The following GMDS variants were observed in gnomAD, a reference collection of about 807,000 sequenced individuals.
GMDS encodes GDP-mannose 4,6 dehydratase.
GMDS carries 20 observed loss-of-function variants against 49.9 expected under a neutral mutation model. The observed-to-expected ratio is 0.40, with a 90% CI of 0.28 to 0.58. The LOEUF is 0.58. Among genes scored for constraint, GMDS ranks in the 20% least tolerant of loss-of-function variants. The pLI, the probability that GMDS is intolerant of heterozygous loss-of-function variation, is 0.42. For synonymous variants in GMDS, 177 were observed against 178.6 expected, an observed-to-expected ratio of 0.99 and a Z score of 0.07; for missense variants, 362 against 481.4, an observed-to-expected ratio of 0.75 and a Z score of 2.32.
chr6:1,872,124 C>T (rs780596188), intron 7 of GMDS, among the ~76,000 whole-genome samples: 4 of 152,246 alleles, frequency 2.6e-5, no homozygotes, highest in Non-Finnish European at 5.9e-5. Context: ...TGTCACCCTC[C>T]CTGTCTTCTG....
intron 4 of GMDS, among the ~76,000 whole-genome samples, chr6:2,046,776 CCCTGGCTAAACCAATGTCCAGGTTT>C (rs1160518080): frequency 1.3e-5 from 2 of 152,136 alleles, no homozygotes; most frequent in African/African-American, 4.8e-5. Context: ...CATCCATGTT[CCCTGGCTAAACCAATGTCCAGGTTT>C]CCTATATTTA....
chr6:2,173,228 A>G lies in GMDS; in HGVS notation c.103-48497T>C, dbSNP rs377591604. ...TGAGTCTTAAGCCTTTCATTATTAA[A>G]AATAGAAAAATCTTCCTGCCTACTT... On this transcript the variant is annotated intron_variant, in intron 1 of 10. Coordinates refer to ENST00000380815, the MANE Select transcript of GMDS (RefSeq NM_001500.4). Among the ~76,000 whole-genome samples the G allele has an allele frequency of 1.1e-3, 171 of 152,364 alleles. 2 individuals are homozygous for G. The highest frequency in any genetic ancestry group is 3.9e-3 in the African/African-American group (163 of 41,576).
At position 1,778,283 on chromosome 6, in the gene GMDS, T is replaced by C. The variant is rs1351752395; in HGVS notation, c.772-35697A>G. 2.0e-5 allele frequency among the ~76,000 whole-genome samples: 3 copies of C among 152,230 alleles called. No homozygotes were observed. Among genetic ancestry groups the C allele is most frequent in the Non-Finnish European group, 4.4e-5 (3 of 68,036 alleles). On this transcript the variant is annotated intron_variant, in intron 7 of 10. Transcript: ENST00000380815. This position sits in a 1 kb window ranked among gnomAD's most constrained non-coding sequence, Gnocchi z 4.6. ...GTTACACTAGGGCCTCTGTGACCCC[T>C]AGGTCAAAAGAGCAAATGCAAAAGT...
intron 7 of GMDS, among the ~76,000 whole-genome samples, chr6:1,872,841 C>A (rs1415752516): frequency 6.6e-6 from 1 of 152,246 alleles, no homozygotes; most frequent in East Asian, 1.9e-4. Context: ...GCAGCCTATT[C>A]TGTTACACTC....
At chr6:1,720,576 C>A (rs1264150853) in intron 9 of GMDS, among the ~76,000 whole-genome samples, 1 of 152,204 alleles carries the variant, frequency 6.6e-6, no homozygotes, top group African/African-American at 2.4e-5. Context: ...GCATTCCACA[C>A]TACTGTGGTC....
chr6:1,895,339 G>A (rs1760101985), intron 7 of GMDS, among the ~76,000 whole-genome samples: 1 of 152,206 alleles, frequency 6.6e-6, no homozygotes, highest in East Asian at 1.9e-4. Context: ...TCTTCCTCTG[G>A]TCAAAATGAA....
At chr6:2,217,547 C>A (rs1780397235) in intron 1 of GMDS, among the ~76,000 whole-genome samples, 1 of 152,120 alleles carries the variant, frequency 6.6e-6, no homozygotes, top group Admixed American at 6.6e-5. Context: ...GTAGGAGAAA[C>A]ACCTCCCAAC....
chr6:1,869,368 T>C (rs1581277354), intron 7 of GMDS, among the ~76,000 whole-genome samples: 2 of 152,290 alleles, frequency 1.3e-5, no homozygotes, highest in Non-Finnish European at 2.9e-5. Flanking sequence ...AGGTGATCCA[T>C]CTGTGGCCCA....
chr6:2,172,319 A>C (rs1185483232), intron 1 of GMDS, among the ~76,000 whole-genome samples: 1 of 152,230 alleles, frequency 6.6e-6, no homozygotes, highest in East Asian at 1.9e-4. Flanking sequence ...AATTCAAGGC[A>C]AAAGTATTAA....
intron 1 of GMDS, among the ~76,000 whole-genome samples, chr6:2,193,532 C>T (rs1779144230): frequency 6.6e-6 from 1 of 152,188 alleles, no homozygotes; most frequent in South Asian, 2.1e-4. Context: ...GATGCAAGTT[C>T]TCCTGGCAAA....
intron 9 of GMDS, among the ~76,000 whole-genome samples, chr6:1,689,829 A>T (rs1035423992): frequency 1.3e-5 from 2 of 152,226 alleles, no homozygotes; most frequent in Non-Finnish European, 2.9e-5. Context: ...TCCTTAGGTC[A>T]AGAGGAGCAT....
At chr6:1,720,872 G>A (rs78741995) in intron 9 of GMDS, among the ~76,000 whole-genome samples, 3,345 of 152,212 alleles carry the variant, frequency 0.022, 130 homozygotes, top group Admixed American at 0.079. Flanking sequence ...GGGATAGAGT[G>A]GGGGGATCTA....
At chr6:2,000,899 C>T (rs986162801) in intron 4 of GMDS, among the ~76,000 whole-genome samples, 36 of 152,192 alleles carry the variant, frequency 2.4e-4, no homozygotes, top group Non-Finnish European at 4.9e-4. Context: ...CATTAACCAG[C>T]CGATGGACAT....
intron 7 of GMDS, among the ~76,000 whole-genome samples, chr6:1,918,657 G>GA (rs1761543001): frequency 6.6e-6 from 1 of 152,154 alleles, no homozygotes; most frequent in African/African-American, 2.4e-5. Context: ...GCTGAGGTGG[G>GA]AGGATCACTT....
At chr6:1,928,060 G>C (rs753416433) in intron 7 of GMDS, among the ~76,000 whole-genome samples, 1 of 152,144 alleles carries the variant, frequency 6.6e-6, no homozygotes. Flanking sequence ...TTGGAGAAGA[G>C]TTTGGATAAA....
At chr6:1,896,754 T>C (rs1327447254) in intron 7 of GMDS, among the ~76,000 whole-genome samples, 1 of 152,022 alleles carries the variant, frequency 6.6e-6, no homozygotes, top group African/African-American at 2.4e-5. Context: ...GTGTAGACTC[T>C]GTCCCATCAA....
intron 7 of GMDS, among the ~76,000 whole-genome samples, chr6:1,927,839 C>T (rs1199848483): frequency 6.6e-6 from 1 of 152,112 alleles, no homozygotes; most frequent in Non-Finnish European, 1.5e-5. Context: ...CTACCCCGGC[C>T]AATTACAAAG....
chr6:1,944,544 C>T (rs1176636179), intron 6 of GMDS, among the ~76,000 whole-genome samples: 1 of 151,700 alleles, frequency 6.6e-6, no homozygotes, highest in Non-Finnish European at 1.5e-5. Flanking sequence ...GTGGCGGGCG[C>T]CTGTAGTCCC....
chr6:1,913,256 C>T (rs1648026698), intron 7 of GMDS, among the ~76,000 whole-genome samples: 2 of 150,844 alleles, frequency 1.3e-5, no homozygotes, highest in Admixed American at 1.3e-4. Flanking sequence ...TGGCGGGCGC[C>T]TGTAGTCCCA....
Sources: gnomAD v4.1 joint callset for allele counts (sites outside exome capture counted in the v4.1 genomes callset) on GRCh38, gnomAD v4.1.1 for gene constraint, Gnocchi (gnomAD v3.1) non-coding constraint, MANE v1.5 for transcripts, NCBI Gene and HGNC (gene_info 2026-07-23, HGNC 2026-07-21) for gene names.